Variants in KCTD20 observed in about 807,000 individuals in gnomAD.
KCTD20 encodes potassium channel tetramerization domain containing 20.
In KCTD20, 30 loss-of-function variants were observed where a neutral mutation model predicts 39.6. The ratio of observed to expected loss-of-function variants is 0.76; its 90% CI spans 0.57 to 1.03. The LOEUF (loss-of-function observed/expected upper bound fraction) is 1.03. Among genes scored for constraint, KCTD20 ranks in the 50% least tolerant of loss-of-function variants. The pLI is 0.00. For synonymous variants in KCTD20, 162 were observed against 180.6 expected, an observed-to-expected ratio of 0.90 and a Z score of 0.83; for missense variants, 422 against 522.0, an observed-to-expected ratio of 0.81 and a Z score of 1.87.
chr6:36,463,888 G>A (rs1399627329), intron 1 of KCTD20, among the ~76,000 whole-genome samples: 4 of 152,036 alleles, frequency 2.6e-5, no homozygotes, highest in African/African-American at 9.7e-5. Flanking sequence ...CAGATTGAGA[G>A]GGAAAAAGGG....
At chr6:36,471,773 A>G (rs1040692386) in intron 2 of KCTD20, among the ~76,000 whole-genome samples, 1 of 151,984 alleles carries the variant, frequency 6.6e-6, no homozygotes, top group African/African-American at 2.4e-5. Flanking sequence ...TTCGGAATAA[A>G]CCCATTTTAA....
intron 1 of KCTD20, among the ~76,000 whole-genome samples, chr6:36,462,480 T>C (rs1182193346): frequency 1.3e-5 from 2 of 152,202 alleles, no homozygotes; most frequent in Admixed American, 6.5e-5. Flanking sequence ...GGGAGATCAC[T>C]TGAGGAGCGT....
At chr6:36,444,349 G>C (rs1774971873) in intron 1 of KCTD20, among the ~76,000 whole-genome samples, 1 of 152,160 alleles carries the variant, frequency 6.6e-6, no homozygotes, top group Non-Finnish European at 1.5e-5. Context: ...AAGAAGCCCT[G>C]ACTCTCCAGA....
intron 6 of KCTD20, among the ~76,000 whole-genome samples, chr6:36,482,137 C>CA (rs1196996036): frequency 6.6e-6 from 1 of 152,228 alleles, no homozygotes; most frequent in African/African-American, 2.4e-5. Context: ...TTTTGCTTCT[C>CA]AATTTCTTTT....
rs1344467271 is a variant in KCTD20, at chr6:36,486,975, TC to T, written c.1061del (p.Ser354TyrfsTer26). ...TGTACAACGCCCCTTCATCCAGATGTCATGGGAAAAGGAAGAAGGGAAGAGT... is the reference window on the plus strand; with the variant it reads ...TGTACAACGCCCCTTCATCCAGATGTATGGGAAAAGGAAGAAGGGAAGAGT... Reference protein sequence around the residue: ...NYVQRPFIQMSWEKEEGKSRH... With the variant: ...NYVQRPFIQMXWEKEEGKSRH... On this transcript the variant is annotated frameshift_variant, in exon 8 of 8. Coordinates refer to ENST00000373731, the MANE Select transcript of KCTD20 (RefSeq NM_173562.5). LOFTEE classifies it high-confidence loss of function. 2 of 1,613,996 alleles carry T rather than the reference TC, an allele frequency of 1.2e-6. No homozygotes were observed. The highest frequency in any genetic ancestry group is 1.7e-6 in the Non-Finnish European group (2 of 1,179,966).
intron 6 of KCTD20, among the ~76,000 whole-genome samples, chr6:36,482,036 TC>T (rs1442655569): frequency 6.6e-6 from 1 of 152,168 alleles, no homozygotes; most frequent in Admixed American, 6.6e-5. Flanking sequence ...TCATTTTAAA[TC>T]CTTTTGAATT....
At chr6:36,444,479 G>A (rs533842046) in intron 1 of KCTD20, among the ~76,000 whole-genome samples, 1 of 152,222 alleles carries the variant, frequency 6.6e-6, no homozygotes, top group East Asian at 1.9e-4. Flanking sequence ...TTTTCCTTCT[G>A]AGGGCTGCTT....
At chr6:36,450,571 G>A (rs1280515693) in intron 1 of KCTD20, among the ~76,000 whole-genome samples, 1 of 152,006 alleles carries the variant, frequency 6.6e-6, no homozygotes, top group Non-Finnish European at 1.5e-5. Flanking sequence ...ATGAGGCCCA[G>A]GCAGCATTCT....
At chr6:36,464,504 A>C (rs1775685781) in intron 1 of KCTD20, among the ~76,000 whole-genome samples, 1 of 152,162 alleles carries the variant, frequency 6.6e-6, no homozygotes, top group South Asian at 2.1e-4. Context: ...TCTTTTGTAG[A>C]GACTCAGTAC....
intron 1 of KCTD20, among the ~76,000 whole-genome samples, chr6:36,463,777 A>T (rs1380104153): frequency 6.6e-6 from 1 of 152,184 alleles, no homozygotes; most frequent in African/African-American, 2.4e-5. Flanking sequence ...CTGTGAGAAA[A>T]GAAATTTCTG....
intron 1 of KCTD20, among the ~76,000 whole-genome samples, chr6:36,467,587 C>T (rs1377490415): frequency 6.6e-6 from 1 of 151,616 alleles, no homozygotes; most frequent in Non-Finnish European, 1.5e-5. Flanking sequence ...CCGCCCGCCC[C>T]AGCCTCCCAG....
chr6:36,465,967 T>G (rs1362192711), intron 1 of KCTD20, among the ~76,000 whole-genome samples: 1 of 152,244 alleles, frequency 6.6e-6, no homozygotes, highest in Non-Finnish European at 1.5e-5. Flanking sequence ...AACAGGGTGG[T>G]GAACCTCTGG....
intron 1 of KCTD20, among the ~76,000 whole-genome samples, chr6:36,460,464 C>A (rs1266988665): frequency 6.6e-6 from 1 of 152,144 alleles, no homozygotes; most frequent in Non-Finnish European, 1.5e-5. Context: ...CCATCACACC[C>A]AGCTAATTTT....
intron 1 of KCTD20, among the ~76,000 whole-genome samples, chr6:36,465,016 G>A (rs1275124514): frequency 6.6e-6 from 1 of 151,950 alleles, no homozygotes; most frequent in African/African-American, 2.4e-5. Context: ...CACTATTAAC[G>A]GTATGAAATG....
rs1776457379 is a variant in KCTD20 at position 36,487,290 on chromosome 6, T to C, written c.*115T>C. 1 of 1,060,684 alleles carries C rather than the reference T, an allele frequency of 9.4e-7. No individual in the cohort carries two copies. The highest frequency in any genetic ancestry group is 1.6e-5 in the African/African-American group (1 of 62,648). 65.7% of individuals were successfully genotyped at this position (1,060,684 alleles called of 1,614,324 possible). A position where few individuals can be genotyped will look rare whatever the true frequency, so the allele number is the denominator to read the frequency against. On this transcript the variant is annotated 3_prime_UTR_variant, in exon 8 of 8. Transcript: ENST00000373731. ...AGGAGACATGCTTCTCCCCTAACCTTTTCCTTTCTGCCATAATTAACATAT... is the reference window on the plus strand; with the variant it reads ...AGGAGACATGCTTCTCCCCTAACCTCTTCCTTTCTGCCATAATTAACATAT...
Sources: allele counts gnomAD v4.1 joint callset (sites outside exome capture counted in the v4.1 genomes callset), GRCh38; gene constraint gnomAD v4.1.1; transcripts MANE v1.5; gene names NCBI Gene and HGNC (gene_info 2026-07-23, HGNC 2026-07-21).